Variants in ABCA10 observed in about 807,000 individuals in gnomAD.
The protein encoded by ABCA10 is ATP-binding cassette sub-family A member 10.
ABCA10 carries 169 observed loss-of-function variants against 187.5 expected under a neutral mutation model. That is an observed-to-expected ratio of 0.90 (90% confidence interval 0.80 to 1.02). ABCA10 has a LOEUF of 1.02. ABCA10 is among the 50% of genes least tolerant of loss of function. The pLI, the probability that ABCA10 is intolerant of heterozygous loss-of-function variation, is 0.00. For synonymous variants in ABCA10, 574 were observed against 601.8 expected (o/e 0.95, Z 0.68); for missense variants, 1,727 against 1,812.4 (o/e 0.95, Z 0.86).
At chr17:69,167,089 T>C (rs958597462) in intron 25 of ABCA10, among the ~76,000 whole-genome samples, 2 of 152,228 alleles carry the variant, frequency 1.3e-5, no homozygotes, top group African/African-American at 4.8e-5. Context: ...GTTCCATGGA[T>C]GCTTTGTCCC....
chr17:69,235,767 G>A (rs2074864816), intron 1 of ABCA10, among the ~76,000 whole-genome samples: 1 of 149,744 alleles, frequency 6.7e-6, no homozygotes, highest in Non-Finnish European at 1.5e-5. Flanking sequence ...CATGGTTACT[G>A]AGATTTAAAA....
chr17:69,192,679 A>C (rs984850100), intron 15 of ABCA10, 26 bp from the exon 16 acceptor site: 6 of 1,569,660 alleles, frequency 3.8e-6, no homozygotes, highest in Admixed American at 3.4e-5. Flanking sequence ...GATTCAAAAA[A>C]TTATGTGAAG....
intron 25 of ABCA10, among the ~76,000 whole-genome samples, chr17:69,172,252 T>G (rs2074303759): frequency 6.6e-6 from 1 of 152,134 alleles, no homozygotes; most frequent in Non-Finnish European, 1.5e-5. Context: ...ATGGGCTGAA[T>G]TTTGCCTCCC....
chr17:69,215,870 A>G lies in ABCA10; in HGVS notation c.803T>C (p.Leu268Ser). The change falls in exon 8 of 39, where the codon TTG becomes TCG. Residue 268 changes from leucine (L) to serine (S), a missense_variant. Physicochemically the swap from Leu to Ser is moderately radical, Grantham distance 145 (BLOSUM62 -2). Transcript: ENST00000690296. ...TVLYRQLPLS[L>S]GWVLSLLSPF... ...GCTAAGAAGACTTAATACCCATCCC[A>G]AAGATAAAGGAAGTTGTCTATATAA... The G allele has an allele frequency of 1.9e-6, 3 of 1,613,536 alleles. No homozygotes were observed. The highest frequency in any genetic ancestry group is 2.5e-6 in the Non-Finnish European group (3 of 1,179,844).
At chr17:69,231,877 G>A (rs1485246859), upstream of ABCA10, among the ~76,000 whole-genome samples, 4 of 151,956 alleles carry the variant, frequency 2.6e-5, no homozygotes, top group African/African-American at 9.7e-5. Flanking sequence ...ATTTATTGCA[G>A]TATATTTGTC....
chr17:69,187,808 C>T lies in ABCA10; in HGVS notation c.2203G>A (p.Val735Ile). The T allele has an allele frequency of 1.2e-6, 2 of 1,613,862 alleles. No homozygotes were observed. Among genetic ancestry groups the T allele is most frequent in the Non-Finnish European group, 1.7e-6 (2 of 1,179,792 alleles). The change falls in exon 19 of 39, where the codon GTT (valine) becomes ATT (isoleucine). Residue 735 changes from valine (V) to isoleucine (I), a missense_variant. Coordinates refer to ENST00000690296, the MANE Select transcript of ABCA10 (RefSeq NM_001377321.1). ...NTGDESEMEQ[V>I]LCSLPETRKA... ...CTTGTTTCAGGAAGAGAACAAAGAA[C>T]CTGTTCCATTTCAGACTCATCTCCA...
chr17:69,162,838 C>CATATACATATATAT (rs375141032), intron 27 of ABCA10, among the ~76,000 whole-genome samples: 68 of 120,834 alleles, frequency 5.6e-4, no homozygotes, highest in Middle Eastern at 3.8e-3. Flanking sequence ...TATACATATA[C>CATATACATATATAT]ATATATATAT....
intron 17 of ABCA10, among the ~76,000 whole-genome samples, 155 bp from the exon 18 acceptor site, chr17:69,190,632 CTCT>C: frequency 6.6e-6 from 1 of 151,980 alleles, no homozygotes; most frequent in African/African-American, 2.4e-5. Context: ...GTAAGATATT[CTCT>C]TGTCATTCAA....
intron 9 of ABCA10, among the ~76,000 whole-genome samples, chr17:69,203,420 G>T (rs1233709858): frequency 2.6e-5 from 4 of 152,156 alleles, no homozygotes; most frequent in Non-Finnish European, 4.4e-5. Context: ...TGCCTGTCCT[G>T]GTCAGTGCCT....
intron 27 of ABCA10, among the ~76,000 whole-genome samples, chr17:69,160,795 T>C (rs1015563677): frequency 7.2e-5 from 11 of 152,184 alleles, no homozygotes; most frequent in Non-Finnish European, 1.3e-4. Context: ...ATTGGAACTC[T>C]TGTACACTGT....
At chr17:69,169,703 G>T (rs9904441) in intron 25 of ABCA10, among the ~76,000 whole-genome samples, 12,712 of 152,152 alleles carry the variant, frequency 0.084, 1,822 homozygotes, top group African/African-American at 0.29. Flanking sequence ...TGATAACAAA[G>T]GTAGCACTGC....
In ABCA10 at chr17:69,185,604, T is replaced by A; in HGVS notation, c.2370A>T (p.Leu790=). The part of the protein sequence containing the change: ...VLGIAFIPII[L]EKIMYKVTRE... ...GAGTTACTTTATACATTATCTTCTC[T>A]AGAATGATGGGGATAAAAGCAATTC... The change falls in exon 20 of 39, where the codon CTA becomes CTT. Residue 790 remains leucine (L), a synonymous_variant. Coordinates refer to ENST00000690296, the MANE Select transcript of ABCA10 (RefSeq NM_001377321.1). 1 of 1,612,390 alleles carries A rather than the reference T, an allele frequency of 6.2e-7. No individual in the cohort carries two copies. Among genetic ancestry groups the A allele is most frequent in the South Asian group, 1.1e-5 (1 of 90,894 alleles).
Position 69,156,857 on chromosome 17 carries a change from T to C in ABCA10, c.3430A>G (p.Ile1144Val). 3 of 1,587,278 alleles carry C rather than the reference T, an allele frequency of 1.9e-6. No individual in the cohort carries two copies. Among genetic ancestry groups the C allele is most frequent in the Non-Finnish European group, 2.6e-6 (3 of 1,166,136 alleles). ...CTGAAAACTGGGTCTTTATTCATTA[T>C]TTCATTTCCATACTTCATTTCCAGA... Reference protein sequence around the residue: ...RCLEMKYGNEIMNKDPVFRIS... With the variant: ...RCLEMKYGNEVMNKDPVFRIS... Residue 1144 changes from isoleucine (I) to valine (V), a missense_variant, in exon 28 of 39, where the codon ATA becomes GTA. Physicochemically the swap from Ile to Val is conservative, Grantham distance 29. Coordinates refer to ENST00000690296, the MANE Select transcript of ABCA10 (RefSeq NM_001377321.1).
chr17:69,164,166 CCCA>C lies in ABCA10; in HGVS notation c.3283-15_3283-13del, dbSNP rs776343860. 3 of 1,564,606 alleles carry C rather than the reference CCCA, an allele frequency of 1.9e-6. No individual in the cohort carries two copies. Among genetic ancestry groups the C allele is most frequent in the East Asian group, 2.3e-5 (1 of 42,882 alleles). Reference sequence around the variant, plus strand: ...CTCATAAAGTCGAGCTGAAAAAAAACCCACCAACAGTTAAATGCAAGTTTCTCT... The same window carrying C: ...CTCATAAAGTCGAGCTGAAAAAAAACCCAACAGTTAAATGCAAGTTTCTCT... On this transcript the variant is annotated splice_polypyrimidine_tract_variant and intron_variant, in intron 26 of 38. Coordinates refer to ENST00000690296, the MANE Select transcript of ABCA10 (RefSeq NM_001377321.1).
intron 3 of ABCA10, among the ~76,000 whole-genome samples, chr17:69,223,315 C>T (rs2074765685): frequency 6.6e-6 from 1 of 151,972 alleles, no homozygotes; most frequent in Non-Finnish European, 1.5e-5. Context: ...AAATTGTATA[C>T]AAAAAATCAG....
In ABCA10 at chr17:69,165,065, T is replaced by C. The variant is rs2074245755; in HGVS notation, c.3181A>G (p.Thr1061Ala). The change falls in exon 26 of 39, where the codon ACA becomes GCA. Residue 1061 changes from threonine (T) to alanine (A), a missense_variant. By Grantham distance (58) the Thr-to-Ala change is moderately conservative. Transcript: ENST00000690296. ...TCATATTGAGTTGATACCATAATTG[T>C]GGATACACATATTAAGATCTAGAAA... is the stretch of plus-strand genomic sequence containing the variant. Reference protein sequence around the residue: ...GFFIILICVSTIMVSTQYEKL... With the variant: ...GFFIILICVSAIMVSTQYEKL... 4 of 1,570,288 alleles carry C rather than the reference T, an allele frequency of 2.5e-6. No homozygotes were observed. Among genetic ancestry groups the C allele is most frequent in the African/African-American group, 1.4e-5 (1 of 73,894 alleles).
chr17:69,175,570 T>C, intron 22 of ABCA10, 57 bp from the exon 23 acceptor site: 1 of 1,323,296 alleles, frequency 7.6e-7, no homozygotes, highest in Non-Finnish European at 1.0e-6. Flanking sequence ...TATACAAACA[T>C]TATAAGATAC....
At position 69,201,847 on chromosome 17, in the gene ABCA10, C is replaced by T. The variant is rs544525719; in HGVS notation, c.1007-179G>A. ...TTGCCCAGGCAGGAGTGCAATGGCA[C>T]GATCCTGGCTCACCGCAACCTCCGC... On this transcript the variant is annotated intron_variant, in intron 9 of 38. Coordinates refer to ENST00000690296, the MANE Select transcript of ABCA10 (RefSeq NM_001377321.1). Among the ~76,000 whole-genome samples, 20 of 152,178 alleles carry T rather than the reference C, an allele frequency of 1.3e-4. 1 individual carries two copies. The highest frequency in any genetic ancestry group is 3.9e-4 in the East Asian group (2 of 5,174).
At chr17:69,153,733 T>C in intron 32 of ABCA10, 98 bp downstream of exon 32, 3 of 1,479,808 alleles carry the variant, frequency 2.0e-6, no homozygotes, top group Non-Finnish European at 1.8e-6. Flanking sequence ...TGCATGAAAA[T>C]TTAAAGACAT....
Sources: gnomAD v4.1 joint callset for allele counts (sites outside exome capture counted in the v4.1 genomes callset) on GRCh38, gnomAD v4.1.1 for gene constraint, MANE v1.5 for transcripts, NCBI Gene and HGNC (gene_info 2026-07-23, HGNC 2026-07-21) for gene names.